Variants in SGCZ observed in about 807,000 individuals in gnomAD.
The protein encoded by SGCZ is sarcoglycan zeta.
SGCZ carries 40 observed loss-of-function variants against 41.3 expected under a neutral mutation model. That is an observed-to-expected ratio of 0.97 (90% CI 0.75 to 1.26). The LOEUF is 1.26. Ranked by LOEUF, SGCZ falls within the 50% of genes most tolerant of loss-of-function variation. The probability of loss-of-function intolerance (pLI) is 0.00; values close to 1 mark genes in which losing one functional copy is unlikely to be tolerated. For missense variants in SGCZ, 552 were observed against 369.8 expected, an observed-to-expected ratio of 1.49 and a Z score of -4.04; for synonymous variants, 206 against 137.5, an observed-to-expected ratio of 1.50 and a Z score of -3.49.
At position 14,534,191 on chromosome 8, in the gene SGCZ, G is replaced by C. The variant is rs1205775628; in HGVS notation, c.234+20541C>G. 2.0e-5 allele frequency among the ~76,000 whole-genome samples: 3 copies of C among 152,080 alleles called. No individual in the cohort carries two copies. The East Asian group carries it at 5.9e-4, about 30-fold the overall frequency. On this transcript the variant is annotated intron_variant, in intron 2 of 7. Coordinates refer to ENST00000382080, the MANE Select transcript of SGCZ (RefSeq NM_139167.4). ...AGTTTTAAGATGCCAGGTGAAAGCT[G>C]AAGTTATGAGGTAGCAGGAAATATG... is the stretch of plus-strand genomic sequence containing the variant.
intron 2 of SGCZ, among the ~76,000 whole-genome samples, chr8:14,328,082 G>A (rs768023685): frequency 1.1e-4 from 17 of 152,022 alleles, no homozygotes; most frequent in South Asian, 2.1e-4. Context: ...ATGAAAAAAC[G>A]AATTTTCAAG....
At chr8:14,349,122 ATTAT>A (rs1246295185) in intron 2 of SGCZ, among the ~76,000 whole-genome samples, 1 of 152,158 alleles carries the variant, frequency 6.6e-6, no homozygotes, top group African/African-American at 2.4e-5. Context: ...TCTCAAATCT[ATTAT>A]TTAACATTCG....
At chr8:14,681,435 TC>T (rs1210185230) in intron 1 of SGCZ, among the ~76,000 whole-genome samples, 2 of 152,182 alleles carry the variant, frequency 1.3e-5, no homozygotes, top group African/African-American at 2.4e-5. Flanking sequence ...ATGTAAACCA[TC>T]ACATTATCAT....
At chr8:15,176,360 ACAATTTC>A (rs1243761279) in intron 1 of SGCZ, among the ~76,000 whole-genome samples, 1 of 152,156 alleles carries the variant, frequency 6.6e-6, no homozygotes, top group African/African-American at 2.4e-5. Flanking sequence ...AATTTTAGAA[ACAATTTC>A]TCATTCAATA....
intron 3 of SGCZ, among the ~76,000 whole-genome samples, chr8:14,277,847 C>T (rs902943449): frequency 6.6e-6 from 1 of 151,888 alleles, no homozygotes; most frequent in Non-Finnish European, 1.5e-5. Context: ...TCTTAAAATC[C>T]CCCCTTTAGG....
intron 1 of SGCZ, among the ~76,000 whole-genome samples, chr8:15,220,941 C>T (rs959605438): frequency 2.6e-5 from 4 of 152,094 alleles, no homozygotes; most frequent in Non-Finnish European, 4.4e-5. Flanking sequence ...CACGTTCTCA[C>T]TCATGGGTGG....
intron 1 of SGCZ, among the ~76,000 whole-genome samples, chr8:15,225,246 A>G (rs1801728583): frequency 2.0e-5 from 3 of 152,124 alleles, no homozygotes; most frequent in Admixed American, 2.0e-4. Context: ...TTTTTTTCCT[A>G]CCACAATGCA....
chr8:14,494,609 A>G (rs550476238), intron 2 of SGCZ, among the ~76,000 whole-genome samples: 1 of 152,142 alleles, frequency 6.6e-6, no homozygotes, highest in African/African-American at 2.4e-5. Context: ...TTGATTTTGT[A>G]TTTTCAATTT....
At chr8:14,267,962 A>G (rs555022860) in intron 3 of SGCZ, among the ~76,000 whole-genome samples, 1 of 151,906 alleles carries the variant, frequency 6.6e-6, no homozygotes, top group African/African-American at 2.4e-5. Context: ...GTCTATTCAA[A>G]ATTGGTCAAT....
chr8:15,076,336 T>C (rs972313680), intron 1 of SGCZ, among the ~76,000 whole-genome samples: 1 of 151,808 alleles, frequency 6.6e-6, no homozygotes, highest in Non-Finnish European at 1.5e-5. Flanking sequence ...CTACAAACAA[T>C]TGAAGCGAGA....
rs552235065 is a variant in SGCZ, at chr8:14,341,439, C to T, written c.235-17235G>A. On this transcript the variant is annotated intron_variant, in intron 2 of 7. Transcript: ENST00000382080. ...CCACATCATCACTAACACTTGTTAC[C>T]TTTTGTTTGTTTTTTTAATAATAGC... 3.6e-4 allele frequency among the ~76,000 whole-genome samples: 55 copies of T among 152,072 alleles called. No homozygotes were observed. The Middle Eastern group carries it at 0.014, about 38-fold the overall frequency.
chr8:14,657,738 C>T (rs560660914), intron 1 of SGCZ, among the ~76,000 whole-genome samples: 6 of 152,268 alleles, frequency 3.9e-5, no homozygotes, highest in African/African-American at 1.2e-4. Context: ...CACAATCCAT[C>T]AATGTATCTT....
In SGCZ at chr8:14,251,152, C is replaced by A. The variant is rs376895086; in HGVS notation, c.337-13473G>T. 1.8e-4 allele frequency among the ~76,000 whole-genome samples: 27 copies of A among 152,152 alleles called. No individual in the cohort carries two copies. In the East Asian group the frequency reaches 5.0e-3, roughly 28 times the overall value. ...CCAAGGCAAGAGAATTGCTTGAACTCGGGAGGCAGAGGTTGTGGTGAGCAG... is the reference window on the plus strand; with the variant it reads ...CCAAGGCAAGAGAATTGCTTGAACTAGGGAGGCAGAGGTTGTGGTGAGCAG... On this transcript the variant is annotated intron_variant, in intron 3 of 7. Transcript: ENST00000382080.
At chr8:15,076,788 G>C (rs1805549564) in intron 1 of SGCZ, among the ~76,000 whole-genome samples, 1 of 131,940 alleles carries the variant, frequency 7.6e-6, no homozygotes. Context: ...TCCTTTCTCT[G>C]CACACCGCCT....
chr8:14,230,617 T>TA (rs918396130), intron 4 of SGCZ, among the ~76,000 whole-genome samples: 1 of 152,098 alleles, frequency 6.6e-6, no homozygotes, highest in Non-Finnish European at 1.5e-5. Context: ...CACATGAAAA[T>TA]ACTCTCCATG....
intron 2 of SGCZ, among the ~76,000 whole-genome samples, chr8:14,445,573 C>G (rs556332619): frequency 3.3e-5 from 5 of 152,118 alleles, no homozygotes; most frequent in Non-Finnish European, 5.9e-5. Context: ...CCACTGAAAA[C>G]CATTTCCACC....
intron 1 of SGCZ, among the ~76,000 whole-genome samples, chr8:14,958,272 C>G (rs1238916867): frequency 1.3e-5 from 2 of 151,832 alleles, no homozygotes; most frequent in Non-Finnish European, 2.9e-5. Context: ...AATATGTATC[C>G]ATAAAAAATG....
intron 1 of SGCZ, among the ~76,000 whole-genome samples, chr8:14,593,319 G>C (rs540972642): frequency 6.6e-6 from 1 of 152,152 alleles, no homozygotes; most frequent in African/African-American, 2.4e-5. Context: ...TACTAACCAA[G>C]AAATGTAGGC....
At chr8:14,555,729 TTC>T (rs1804015813) in intron 1 of SGCZ, among the ~76,000 whole-genome samples, 1 of 152,096 alleles carries the variant, frequency 6.6e-6, no homozygotes, top group Admixed American at 6.6e-5. Context: ...TTCTGTACCT[TTC>T]TCTAAAAATG....
Sources: gnomAD v4.1 joint callset for allele counts (sites outside exome capture counted in the v4.1 genomes callset) on GRCh38, gnomAD v4.1.1 for gene constraint, MANE v1.5 for transcripts, NCBI Gene and HGNC (gene_info 2026-07-23, HGNC 2026-07-21) for gene names.